The following SLC4A4 variants were observed in gnomAD, a reference collection of about 807,000 sequenced individuals.
SLC4A4 encodes the protein solute carrier family 4 member 4.
In SLC4A4, 27 loss-of-function variants were observed where a neutral mutation model predicts 111.5. The observed-to-expected ratio is 0.24, with a 90% CI of 0.18 to 0.33. SLC4A4 has a LOEUF of 0.33. Among genes scored for constraint, SLC4A4 ranks in the 10% least tolerant of loss-of-function variants. SLC4A4 has a pLI of 1.00. For missense variants in SLC4A4, 909 were observed against 1,315.5 expected (o/e 0.69, Z 4.78); for synonymous variants, 443 against 463.4 (o/e 0.96, Z 0.57).
At chr4:71,095,822 G>C (rs184329116) in intron 2 of SLC4A4, among the ~76,000 whole-genome samples, 2 of 152,248 alleles carry the variant, frequency 1.3e-5, no homozygotes, top group Admixed American at 1.3e-4. Flanking sequence ...ACATAGGAGG[G>C]GAACCTAAGA....
chr4:71,549,067 A>G (rs1348662426), intron 20 of SLC4A4, among the ~76,000 whole-genome samples: 1 of 151,970 alleles, frequency 6.6e-6, no homozygotes, highest in East Asian at 1.9e-4. Flanking sequence ...AGACATTAAG[A>G]TTAAAAATAA....
intron 16 of SLC4A4, among the ~76,000 whole-genome samples, chr4:71,518,120 G>A (rs944863549): frequency 3.3e-5 from 5 of 152,296 alleles, no homozygotes; most frequent in South Asian, 2.1e-4. Flanking sequence ...TGGTGCTGGG[G>A]TAGGTGTAGA....
rs921898539 is a variant in SLC4A4 at position 71,370,657 on chromosome 4, T to A, written c.730+13470T>A. Among the ~76,000 whole-genome samples, 6 of 152,318 alleles carry A rather than the reference T, an allele frequency of 3.9e-5. No homozygotes were observed. In the East Asian group the frequency reaches 9.6e-4, roughly 24 times the overall value. ...AATTAAATTAGAAATATCTAAAGTATCTAGTGTAGTGCTCAGCACTCAGTT... is the reference window on the plus strand; with the variant it reads ...AATTAAATTAGAAATATCTAAAGTAACTAGTGTAGTGCTCAGCACTCAGTT... On this transcript the variant is annotated intron_variant, in intron 6 of 25. Coordinates refer to ENST00000264485, the MANE Select transcript of SLC4A4 (RefSeq NM_001098484.3).
intron 3 of SLC4A4, among the ~76,000 whole-genome samples, chr4:71,300,049 TA>T (rs1725103350): frequency 6.6e-6 from 1 of 152,164 alleles, no homozygotes; most frequent in Admixed American, 6.5e-5. Context: ...AGAATTTCCT[TA>T]ATCAAACCCA....
chr4:71,427,172 G>C (rs1723220420), intron 7 of SLC4A4, among the ~76,000 whole-genome samples: 1 of 151,896 alleles, frequency 6.6e-6, no homozygotes, highest in African/African-American at 2.4e-5. Context: ...TTAATCTCTA[G>C]TTTTTATTTT....
chr4:71,213,596 A>G (rs1171305007), intron 1 of SLC4A4, among the ~76,000 whole-genome samples: 3 of 152,308 alleles, frequency 2.0e-5, no homozygotes, highest in East Asian at 3.9e-4. Flanking sequence ...TGAAAAGGTG[A>G]GAAGAAAATC....
At chr4:71,145,743 T>G (rs1744146945) in intron 2 of SLC4A4, among the ~76,000 whole-genome samples, 1 of 152,234 alleles carries the variant, frequency 6.6e-6, no homozygotes, top group African/African-American at 2.4e-5. Flanking sequence ...GTAGAGGTGT[T>G]TATAGTATTC....
chr4:71,490,561 C>G (rs997900124), intron 15 of SLC4A4, among the ~76,000 whole-genome samples: 2 of 151,798 alleles, frequency 1.3e-5, no homozygotes, highest in Non-Finnish European at 2.9e-5. Context: ...TACCTGAGCC[C>G]TTTCCAAAGT....
rs1232280468 is a variant in SLC4A4, at chr4:71,140,904, T to G, written c.-2+48112T>G. ...GAAAACTTAGAATTATATACAAAAT[T>G]TGTGGGATACAAAGTTATGTTATAA... On this transcript the variant is annotated intron_variant, in intron 2 of 26. Coordinates refer to the SLC4A4 transcript ENST00000649996. Among the ~76,000 whole-genome samples the G allele has an allele frequency of 2.6e-5, 4 of 152,210 alleles. No individual in the cohort carries two copies. In the South Asian group the frequency reaches 6.2e-4, roughly 24 times the overall value.
chr4:71,156,306 G>GT (rs970968083), intron 2 of SLC4A4, among the ~76,000 whole-genome samples: 63 of 151,400 alleles, frequency 4.2e-4, no homozygotes, highest in Middle Eastern at 3.4e-3. Flanking sequence ...AGGTAAATGA[G>GT]TTTTTTTTTG....
chr4:71,341,351 A>G (rs992627746), intron 4 of SLC4A4, among the ~76,000 whole-genome samples: 9 of 152,312 alleles, frequency 5.9e-5, no homozygotes, highest in Admixed American at 5.2e-4. Context: ...CAAAGCAAAG[A>G]TAGATGAAAG....
At chr4:71,168,283 G>A (rs1744839399) in intron 2 of SLC4A4, among the ~76,000 whole-genome samples, 1 of 148,354 alleles carries the variant, frequency 6.7e-6, no homozygotes, top group African/African-American at 2.5e-5. Flanking sequence ...CTGGGTTCAA[G>A]TGATTCTCCT....
At chr4:71,356,060 T>G (rs556398279) in intron 5 of SLC4A4, among the ~76,000 whole-genome samples, 1 of 152,358 alleles carries the variant, frequency 6.6e-6, no homozygotes, top group East Asian at 1.9e-4. Flanking sequence ...TTCTGTAATG[T>G]TTTGTCCTCA....
At chr4:71,462,164 T>C (rs935567802) in intron 12 of SLC4A4, among the ~76,000 whole-genome samples, 1 of 152,202 alleles carries the variant, frequency 6.6e-6, no homozygotes, top group East Asian at 1.9e-4. Flanking sequence ...AAATCAACAT[T>C]AGATTGTATC....
chr4:71,074,087 C>T (rs1741745208), intron 1 of SLC4A4, among the ~76,000 whole-genome samples: 1 of 152,042 alleles, frequency 6.6e-6, no homozygotes, highest in African/African-American at 2.4e-5. Context: ...ATTTGCTTAC[C>T]TCTAGTTAGA....
intron 1 of SLC4A4, among the ~76,000 whole-genome samples, chr4:71,234,955 G>A (rs531724865): frequency 3.3e-5 from 5 of 152,196 alleles, no homozygotes; most frequent in East Asian, 1.9e-4. Flanking sequence ...GACTGGTCAG[G>A]GTGAAAAGGA....
At chr4:71,329,309 T>C (rs1727766676) in intron 3 of SLC4A4, among the ~76,000 whole-genome samples, 1 of 152,136 alleles carries the variant, frequency 6.6e-6, no homozygotes, top group South Asian at 2.1e-4. Context: ...TCTGGGTCTT[T>C]TGTGGTTCCA....
In SLC4A4 at chr4:71,520,911, A is replaced by T. The variant is rs372153997; in HGVS notation, c.2167-11151A>T. 1.1e-3 allele frequency among the ~76,000 whole-genome samples: 165 copies of T among 151,836 alleles called. No individual in the cohort carries two copies. The South Asian group carries it at 0.013, about 12-fold the overall frequency. On this transcript the variant is annotated intron_variant, in intron 16 of 25. Transcript: ENST00000264485. ...ACTGTGTTACCTAGCTTGATCTCAA[A>T]CTCCTGGCCTCAAGTGATCCTCCCA...
intron 3 of SLC4A4, among the ~76,000 whole-genome samples, chr4:71,265,689 T>C (rs367673267): frequency 6.6e-6 from 1 of 152,158 alleles, no homozygotes; most frequent in Non-Finnish European, 1.5e-5. Flanking sequence ...TTTAGTTTCC[T>C]AGGGATAGTT....
Sources: gnomAD v4.1 joint callset for allele counts (sites outside exome capture counted in the v4.1 genomes callset) on GRCh38, gnomAD v4.1.1 for gene constraint, MANE v1.5 for transcripts, NCBI Gene and HGNC (gene_info 2026-07-23, HGNC 2026-07-21) for gene names.